Variants in FSTL5 observed in about 807,000 individuals in gnomAD.
The protein encoded by FSTL5 is follistatin-related protein 5.
In FSTL5, 62 loss-of-function variants were observed where a neutral mutation model predicts 89.1. The ratio of observed to expected loss-of-function variants is 0.70; its 90% CI spans 0.57 to 0.86. FSTL5 has a LOEUF of 0.86. Ranked by LOEUF, FSTL5 falls within the 40% of genes least tolerant of loss-of-function variation. FSTL5 has a pLI of 0.00. For missense variants in FSTL5, 1,057 were observed against 1,001.6 expected (o/e 1.06, Z -0.75); for synonymous variants, 383 against 346.2 (o/e 1.11, Z -1.18).
At position 161,701,287 on chromosome 4, in the gene FSTL5, C is replaced by G. The variant is rs116497147; in HGVS notation, c.728-44793G>C. Among the ~76,000 whole-genome samples, 1,265 of 152,226 alleles carry G rather than the reference C, an allele frequency of 8.3e-3. 13 individuals carry two copies. The highest frequency in any genetic ancestry group is 0.028 in the African/African-American group (1,182 of 41,558). ...AAGAAAGAAAAAATAATAATATGTA[C>G]TTTAAGAGATAATATTTGTTCTCAA... On this transcript the variant is annotated intron_variant, in intron 6 of 15. Coordinates refer to ENST00000306100, the MANE Select transcript of FSTL5 (RefSeq NM_020116.5).
intron 13 of FSTL5, among the ~76,000 whole-genome samples, chr4:161,467,676 G>A (rs529088320): frequency 6.6e-6 from 1 of 152,182 alleles, no homozygotes; most frequent in South Asian, 2.1e-4. Flanking sequence ...CTTTAAGCAT[G>A]TACTCTGAGG....
chr4:161,431,740 C>T (rs1203860029), intron 15 of FSTL5, among the ~76,000 whole-genome samples: 1 of 151,996 alleles, frequency 6.6e-6, no homozygotes, highest in Non-Finnish European at 1.5e-5. Context: ...CCAATAAAGA[C>T]ACACATAGAC....
At chr4:161,772,161 G>A (rs772550015) in intron 5 of FSTL5, among the ~76,000 whole-genome samples, 5 of 151,876 alleles carry the variant, frequency 3.3e-5, no homozygotes, top group Non-Finnish European at 7.4e-5. Context: ...TTCATTATGT[G>A]GACTAACTAT....
At chr4:161,807,228 C>CACACACACACACACAT (rs1415201641) in intron 4 of FSTL5, among the ~76,000 whole-genome samples, 1 of 140,458 alleles carries the variant, frequency 7.1e-6, no homozygotes, top group African/African-American at 2.5e-5. Context: ...CACACACACA[C>CACACACACACACACAT]ATATATATTT....
intron 2 of FSTL5, among the ~76,000 whole-genome samples, chr4:162,088,929 G>A (rs1730428567): frequency 6.6e-6 from 1 of 152,094 alleles, no homozygotes. Context: ...CCCTGCAAAA[G>A]CATGTGTAGG....
chr4:161,452,550 G>A (rs1733202648), intron 15 of FSTL5, among the ~76,000 whole-genome samples: 1 of 151,904 alleles, frequency 6.6e-6, no homozygotes, highest in Non-Finnish European at 1.5e-5. Context: ...TGTTCCTGAT[G>A]TGGAATAAAT....
At chr4:162,127,304 T>TTAA (rs140303654) in intron 1 of FSTL5, among the ~76,000 whole-genome samples, 1,960 of 152,352 alleles carry the variant, frequency 0.013, 23 homozygotes, top group Non-Finnish European at 0.017. Flanking sequence ...TACTGTTTTA[T>TTAA]AGTTTATGCT....
At chr4:161,435,387 G>A (rs1163797524) in intron 15 of FSTL5, among the ~76,000 whole-genome samples, 1 of 152,036 alleles carries the variant, frequency 6.6e-6, no homozygotes, top group Non-Finnish European at 1.5e-5. Context: ...TTAAACTAAT[G>A]GAGATAGAGA....
At chr4:161,536,942 A>T (rs546838734) in intron 10 of FSTL5, among the ~76,000 whole-genome samples, 37 of 152,310 alleles carry the variant, frequency 2.4e-4, no homozygotes, top group African/African-American at 7.0e-4. Flanking sequence ...TATTGGCTGT[A>T]CCACATAAAA....
chr4:161,452,612 G>T (rs528373968), intron 15 of FSTL5, among the ~76,000 whole-genome samples: 1 of 151,586 alleles, frequency 6.6e-6, no homozygotes, highest in Non-Finnish European at 1.5e-5. Flanking sequence ...TTTTGGAAAC[G>T]CATGTTAATT....
At chr4:161,938,561 C>A (rs1734494503) in intron 3 of FSTL5, among the ~76,000 whole-genome samples, 1 of 151,902 alleles carries the variant, frequency 6.6e-6, no homozygotes, top group South Asian at 2.1e-4. Context: ...CTGGTGTACA[C>A]CTTCATCTTT....
chr4:161,800,196 T>G (rs1729751218), intron 4 of FSTL5, among the ~76,000 whole-genome samples: 1 of 151,696 alleles, frequency 6.6e-6, no homozygotes, highest in Non-Finnish European at 1.5e-5. Flanking sequence ...TATTTTTCCA[T>G]AAGTGGCTAG....
At chr4:161,569,799 A>ACACC (rs1458271316) in intron 8 of FSTL5, among the ~76,000 whole-genome samples, 3 of 124,210 alleles carry the variant, frequency 2.4e-5, no homozygotes, top group South Asian at 2.8e-4. Flanking sequence ...ACACACACAC[A>ACACC]CCCCACATTG....
intron 6 of FSTL5, among the ~76,000 whole-genome samples, chr4:161,688,851 C>G (rs982144969): frequency 1.3e-5 from 2 of 152,086 alleles, no homozygotes; most frequent in Non-Finnish European, 2.9e-5. Flanking sequence ...CAATTATAAT[C>G]CTTTTTAATT....
chr4:161,816,677 C>T (rs893920658), intron 4 of FSTL5, among the ~76,000 whole-genome samples: 40 of 152,226 alleles, frequency 2.6e-4, no homozygotes, highest in African/African-American at 7.5e-4. Flanking sequence ...GATGAAAATA[C>T]AATTTTAGAA....
chr4:161,929,201 C>A (rs359491), intron 3 of FSTL5, among the ~76,000 whole-genome samples: 2 of 149,392 alleles, frequency 1.3e-5, no homozygotes, highest in Non-Finnish European at 3.0e-5. Flanking sequence ...GCTTCAGCAC[C>A]ATTTGTTGAC....
intron 12 of FSTL5, among the ~76,000 whole-genome samples, chr4:161,498,046 G>A (rs1251337333): frequency 6.6e-6 from 1 of 151,024 alleles, no homozygotes; most frequent in Non-Finnish European, 1.5e-5. Flanking sequence ...ACATCACATT[G>A]CTTTGTCCTA....
intron 3 of FSTL5, among the ~76,000 whole-genome samples, chr4:161,975,753 T>G (rs1372772882): frequency 1.1e-5 from 1 of 92,408 alleles, no homozygotes; most frequent in Non-Finnish European, 2.1e-5. Flanking sequence ...TAAAGTATAA[T>G]AAAAATAAAA....
chr4:161,574,670 T>C (rs1238635439), intron 8 of FSTL5, among the ~76,000 whole-genome samples: 2 of 152,178 alleles, frequency 1.3e-5, no homozygotes, highest in African/African-American at 4.8e-5. Context: ...GCTTCATCCA[T>C]GTCCCTGCAA....
Sources: gnomAD v4.1 joint callset for allele counts (sites outside exome capture counted in the v4.1 genomes callset) on GRCh38, gnomAD v4.1.1 for gene constraint, MANE v1.5 for transcripts, NCBI Gene and HGNC (gene_info 2026-07-23, HGNC 2026-07-21) for gene names.